NCOA3: variants seen among roughly 807,000 people sequenced by gnomAD.
NCOA3 encodes the protein nuclear receptor coactivator 3.
NCOA3 carries 51 observed loss-of-function variants against 158.8 expected under a neutral mutation model. The observed-to-expected ratio is 0.32, with a 90% CI of 0.26 to 0.41. The LOEUF (loss-of-function observed/expected upper bound fraction) is 0.41. Among genes scored for constraint, NCOA3 ranks in the 10% least tolerant of loss-of-function variants. The probability of loss-of-function intolerance (pLI) is 1.00; values close to 1 mark genes in which losing one functional copy is unlikely to be tolerated. For missense variants in NCOA3, 1,510 were observed against 1,746.6 expected (o/e 0.86, Z 2.41); for synonymous variants, 537 against 592.4 (o/e 0.91, Z 1.36).
At chr20:47,591,276 C>G (rs1283384180) in intron 2 of NCOA3, among the ~76,000 whole-genome samples, 2 of 152,154 alleles carry the variant, frequency 1.3e-5, no homozygotes, top group Non-Finnish European at 2.9e-5. Flanking sequence ...GTTTAAGATA[C>G]CTAGACATTT....
chr20:47,569,562 A>C (rs186036280), intron 1 of NCOA3, among the ~76,000 whole-genome samples: 59 of 152,074 alleles, frequency 3.9e-4, no homozygotes, highest in Admixed American at 1.6e-3. Flanking sequence ...AGGCGCCTGT[A>C]ATCCCAGCTA....
At position 47,622,279 on chromosome 20, in the gene NCOA3, T is replaced by C. The variant is rs747976585; in HGVS notation, c.32T>C (p.Leu11Pro). 72 of 1,607,568 alleles carry C rather than the reference T, an allele frequency of 4.5e-5. No homozygotes were observed. Among genetic ancestry groups the C allele is most frequent in the Non-Finnish European group, 5.7e-5 (67 of 1,177,612 alleles). ...GGATTAGGAGAAAACTTGGATCCAC[T>C]GGCCAGTGATTCACGAAAACGCAAA... MSGLGENLDP[L>P]ASDSRKRKLP... is the part of the protein sequence containing the mutation. Residue 11 changes from leucine to proline, a missense_variant, in exon 3 of 23, where the codon CTG (leucine) becomes CCG (proline). Leu to Pro is a moderately conservative substitution (Grantham distance 98). Around this residue, in one of 4 missense-constraint regions of NCOA3, gnomAD observed 309 missense variants for 427.1 expected, o/e 0.72. Transcript: ENST00000371998.
chr20:47,588,318 A>G (rs1296310201), intron 2 of NCOA3, among the ~76,000 whole-genome samples: 4 of 151,590 alleles, frequency 2.6e-5, no homozygotes, highest in African/African-American at 9.7e-5. Context: ...TATCTTTAAT[A>G]GAGACAGGGT....
chr20:47,620,965 C>A (rs1166252157), intron 2 of NCOA3, among the ~76,000 whole-genome samples: 1 of 152,134 alleles, frequency 6.6e-6, no homozygotes, highest in Non-Finnish European at 1.5e-5. Context: ...ATACAATACC[C>A]CTGAGATTGT....
chr20:47,572,259 G>A (rs1471637595), intron 1 of NCOA3, among the ~76,000 whole-genome samples: 2 of 152,092 alleles, frequency 1.3e-5, no homozygotes, highest in Non-Finnish European at 2.9e-5. Context: ...TGTGTTTATT[G>A]GAGTAGCACT....
At chr20:47,533,652 G>A (rs1002965837) in intron 1 of NCOA3, among the ~76,000 whole-genome samples, 2 of 152,134 alleles carry the variant, frequency 1.3e-5, no homozygotes, top group Non-Finnish European at 2.9e-5. Context: ...AGCTAGGCCA[G>A]GTGCACTGGC....
intron 1 of NCOA3, among the ~76,000 whole-genome samples, chr20:47,553,660 G>T (rs1206089551): frequency 6.8e-6 from 1 of 146,478 alleles, no homozygotes; most frequent in Admixed American, 7.2e-5. Flanking sequence ...TTGGTTTTTT[G>T]TCCTTGCGAT....
intron 3 of NCOA3, among the ~76,000 whole-genome samples, chr20:47,623,214 A>G (rs1050262074): frequency 6.6e-6 from 1 of 152,236 alleles, no homozygotes; most frequent in African/African-American, 2.4e-5. Context: ...TTAATGTGCT[A>G]GTTGAAAAAT....
chr20:47,620,148 G>A (rs553908076), intron 2 of NCOA3, among the ~76,000 whole-genome samples: 1 of 152,014 alleles, frequency 6.6e-6, no homozygotes, highest in Non-Finnish European at 1.5e-5. Context: ...AGTCTCACTC[G>A]GTCACCCAGT....
intron 1 of NCOA3, among the ~76,000 whole-genome samples, chr20:47,540,872 G>C (rs2084715668): frequency 6.6e-6 from 1 of 152,138 alleles, no homozygotes; most frequent in Non-Finnish European, 1.5e-5. Context: ...GTAATCTAGG[G>C]AAGGATGTAA....
chr20:47,628,059 G>A (rs763597811), intron 8 of NCOA3, 36 bp downstream of exon 8: 2 of 1,429,242 alleles, frequency 1.4e-6, no homozygotes, highest in South Asian at 1.2e-5. Flanking sequence ...CTCTCTCTGT[G>A]TATACGTACA....
chr20:47,590,221 A>G (rs1481435403), intron 2 of NCOA3, among the ~76,000 whole-genome samples: 3 of 152,200 alleles, frequency 2.0e-5, no homozygotes, highest in African/African-American at 7.2e-5. Flanking sequence ...AGATTGTACA[A>G]TGATTTGTCC....
intron 1 of NCOA3, among the ~76,000 whole-genome samples, chr20:47,556,288 A>G (rs1179438772): frequency 6.6e-6 from 1 of 152,242 alleles, no homozygotes; most frequent in South Asian, 2.1e-4. Context: ...GTTTTGGAAC[A>G]AGAAGGGGAA....
intron 1 of NCOA3, among the ~76,000 whole-genome samples, chr20:47,559,451 C>G (rs555986655): frequency 6.6e-6 from 1 of 152,278 alleles, no homozygotes; most frequent in East Asian, 1.9e-4. Context: ...ATCATAAACC[C>G]TACTGCATTT....
rs1401417571 is a variant in NCOA3, at chr20:47,634,104, A to G, written c.1021A>G (p.Thr341Ala). ...PVYRFSLADG[T>A]IVTAQTKSKL... ...ATATCGATTCTCGTTGGCTGATGGA[A>G]CTATAGTGACTGCACAGACAAAAAG... is the stretch of plus-strand genomic sequence containing the variant. Residue 341 changes from threonine to alanine, a missense_variant, in exon 10 of 23, where the codon ACT becomes GCT. Coordinates refer to ENST00000371998, the MANE Select transcript of NCOA3 (RefSeq NM_181659.3). 1 of 1,614,026 alleles carries G rather than the reference A, an allele frequency of 6.2e-7. No homozygotes were observed. The highest frequency in any genetic ancestry group is 8.5e-7 in the Non-Finnish European group (1 of 1,180,016).
intron 1 of NCOA3, among the ~76,000 whole-genome samples, chr20:47,578,438 G>C (rs148697435): frequency 1.3e-5 from 2 of 152,060 alleles, no homozygotes; most frequent in African/African-American, 4.8e-5. Context: ...TGCCCACCTC[G>C]GCCTCCCAAA....
intron 2 of NCOA3, among the ~76,000 whole-genome samples, chr20:47,589,993 G>T (rs893204355): frequency 1.4e-5 from 2 of 141,760 alleles, no homozygotes; most frequent in Admixed American, 7.1e-5. Context: ...TGGAAGTGAG[G>T]TATCACTATA....
intron 12 of NCOA3, 55 bp from the exon 13 acceptor site, chr20:47,637,593 T>C: frequency 6.9e-7 from 1 of 1,439,600 alleles, no homozygotes. Context: ...TGGGTATGTT[T>C]ATACCTGTGT....
chr20:47,635,609 C>CA lies in NCOA3; in HGVS notation c.1401dup (p.His468ThrfsTer19). The CA allele has an allele frequency of 1.2e-6, 2 of 1,614,186 alleles. No homozygotes were observed. Among genetic ancestry groups the CA allele is most frequent in the Non-Finnish European group, 1.7e-6 (2 of 1,180,030 alleles). ...TATGGGCTCAACATGAGTAGCCCCC[C>CA]ACATGGGAGTCCTGGTCTTGCCCCA... is the stretch of plus-strand genomic sequence containing the variant. On this transcript the variant is annotated frameshift_variant, in exon 11 of 23. Coordinates refer to ENST00000371998, the MANE Select transcript of NCOA3 (RefSeq NM_181659.3). LOFTEE classifies it high-confidence loss of function.
Sources: allele counts gnomAD v4.1 joint callset (sites outside exome capture counted in the v4.1 genomes callset), GRCh38; gene constraint gnomAD v4.1.1; regional missense constraint gnomAD v4.1.1; transcripts MANE v1.5; gene names NCBI Gene and HGNC (gene_info 2026-07-23, HGNC 2026-07-21).